The following ESR1 variants were observed in gnomAD, a reference collection of about 807,000 sequenced individuals.
ESR1 encodes the protein estrogen receptor.
Under a neutral mutation model 52.7 loss-of-function variants are expected in ESR1, and 12 were observed. The ratio of observed to expected loss-of-function variants is 0.23; its 90% CI spans 0.15 to 0.37. The LOEUF (loss-of-function observed/expected upper bound fraction) is 0.37. ESR1 is among the 10% of genes least tolerant of loss of function. The pLI is 1.00. For synonymous variants in ESR1, 305 were observed against 316.8 expected (o/e 0.96, Z 0.39); for missense variants, 584 against 779.7 (o/e 0.75, Z 2.99).
At chr6:152,123,239 A>T (rs561006372) in intron 6 of ESR1, among the ~76,000 whole-genome samples, 4 of 152,352 alleles carry the variant, frequency 2.6e-5, no homozygotes, top group African/African-American at 9.6e-5. Context: ...TTCATCTTGC[A>T]CTGAATCAGC....
intron 4 of ESR1, among the ~76,000 whole-genome samples, chr6:152,002,324 G>A (rs2042023336): frequency 6.6e-6 from 1 of 151,726 alleles, no homozygotes; most frequent in African/African-American, 2.4e-5. Context: ...CATGCGGTTT[G>A]GAGACTTGCT....
intron 2 of ESR1, among the ~76,000 whole-genome samples, chr6:151,858,025 T>G (rs1047313171): frequency 1.5e-4 from 23 of 152,224 alleles, no homozygotes; most frequent in Non-Finnish European, 2.6e-4. Flanking sequence ...TACTAACTTT[T>G]TTTTACTCTT....
intron 2 of ESR1, among the ~76,000 whole-genome samples, chr6:151,786,675 CT>C (rs11409681): frequency 0.065 from 9,531 of 145,836 alleles, 633 homozygotes; most frequent in African/African-American, 0.18. Context: ...ATTATTAAGA[CT>C]TTTTTTTTTT....
chr6:151,678,932 G>A (rs540385191), intron 1 of ESR1, among the ~76,000 whole-genome samples: 14 of 152,076 alleles, frequency 9.2e-5, no homozygotes, highest in Admixed American at 2.6e-4. Context: ...TGATCCACCC[G>A]CCTCGGCCTC....
intron 4 of ESR1, among the ~76,000 whole-genome samples, chr6:151,989,680 G>C (rs1288865546): frequency 6.6e-6 from 1 of 152,058 alleles, no homozygotes; most frequent in Non-Finnish European, 1.5e-5. Flanking sequence ...TTATGACATT[G>C]TTGTCCTCAG....
rs376614117 is a variant in ESR1 at position 151,954,262 on chromosome 6, A to C, written c.1096+9754A>C. 4.6e-5 allele frequency among the ~76,000 whole-genome samples: 7 copies of C among 152,318 alleles called. No homozygotes were observed. The East Asian group carries it at 7.7e-4, about 17-fold the overall frequency. On this transcript the variant is annotated intron_variant, in intron 4 of 7. Coordinates refer to ENST00000206249, the MANE Select transcript of ESR1 (RefSeq NM_000125.4). Reference sequence around the variant, plus strand: ...TTAGGAACATTCTCCCTTGTAAGTAAATTGCTTGACGTGTTAAAATCTAAG... The same window carrying C: ...TTAGGAACATTCTCCCTTGTAAGTACATTGCTTGACGTGTTAAAATCTAAG...
At chr6:151,819,723 A>T (rs766092710) in intron 1 of ESR1, among the ~76,000 whole-genome samples, 1 of 152,170 alleles carries the variant, frequency 6.6e-6, no homozygotes, top group Non-Finnish European at 1.5e-5. Flanking sequence ...TACTAATAGA[A>T]ATAAAGTGCG....
At chr6:152,089,601 C>T (rs569312815) in intron 6 of ESR1, among the ~76,000 whole-genome samples, 16 of 152,220 alleles carry the variant, frequency 1.1e-4, no homozygotes, top group African/African-American at 3.4e-4. Flanking sequence ...TTTTTTGAGA[C>T]GGAGTCTCAC....
intron 1 of ESR1, among the ~76,000 whole-genome samples, chr6:151,815,320 G>T (rs530933968): frequency 2.0e-5 from 3 of 152,316 alleles, no homozygotes; most frequent in Admixed American, 6.5e-5. Flanking sequence ...GGAAAAAATT[G>T]TAGGGCTTTT....
At chr6:151,688,029 C>T (rs1472672695), upstream of ESR1, among the ~76,000 whole-genome samples, 3 of 152,032 alleles carry the variant, frequency 2.0e-5, no homozygotes, top group Non-Finnish European at 4.4e-5. Context: ...AATTGTTCAA[C>T]CTAATTGTCT....
At chr6:152,073,470 A>G (rs1337245322) in intron 6 of ESR1, among the ~76,000 whole-genome samples, 1 of 152,162 alleles carries the variant, frequency 6.6e-6, no homozygotes, top group East Asian at 1.9e-4. Flanking sequence ...AAAAGTAACC[A>G]TTGTCAACAT....
intron 2 of ESR1, among the ~76,000 whole-genome samples, chr6:151,843,088 G>A (rs1016995228): frequency 5.3e-5 from 8 of 152,194 alleles, no homozygotes; most frequent in Non-Finnish European, 7.3e-5. Flanking sequence ...AAAAAGAAAT[G>A]TTGTCTGTGC....
chr6:151,834,855 G>A (rs1407229048), intron 1 of ESR1, among the ~76,000 whole-genome samples: 1 of 152,092 alleles, frequency 6.6e-6, no homozygotes, highest in Non-Finnish European at 1.5e-5. Flanking sequence ...GGAACTTGGG[G>A]AGCAAGGGAA....
chr6:151,830,214 A>G (rs1357975325), intron 1 of ESR1, among the ~76,000 whole-genome samples: 1 of 152,088 alleles, frequency 6.6e-6, no homozygotes, highest in Non-Finnish European at 1.5e-5. Flanking sequence ...TTCTGCCTTG[A>G]GGTGTCAGCT....
intron 5 of ESR1, among the ~76,000 whole-genome samples, chr6:152,031,494 G>T (rs969393713): frequency 3.3e-5 from 5 of 152,148 alleles, no homozygotes; most frequent in African/African-American, 1.2e-4. Flanking sequence ...ACTACCATCA[G>T]AGAATACTAT....
At chr6:151,708,727 C>A (rs906024714) in intron 2 of ESR1, among the ~76,000 whole-genome samples, 3 of 152,142 alleles carry the variant, frequency 2.0e-5, no homozygotes, top group Admixed American at 2.0e-4. Context: ...AATGGATATC[C>A]TTGACCTATT....
Position 151,808,015 on chromosome 6 carries a change from C to A in ESR1, c.103C>A (p.Leu35Met), listed in dbSNP as rs201899558. ...GAACCGTCCGCAGCTCAAGATCCCC[C>A]TGGAGCGGCCCCTGGGCGAGGTGTA... ...PLNRPQLKIP[L>M]ERPLGEVYLD... The change falls in exon 1 of 8, where the codon CTG becomes ATG. Residue 35 changes from leucine (L) to methionine (M), a missense_variant. Around this residue, in one of 6 missense-constraint regions of ESR1, gnomAD observed 251 missense variants for 246.1 expected, o/e 1.02. Coordinates refer to ENST00000206249, the MANE Select transcript of ESR1 (RefSeq NM_000125.4). 27 of 1,613,788 alleles carry A rather than the reference C, an allele frequency of 1.7e-5. No individual in the cohort carries two copies. The highest frequency in any genetic ancestry group is 2.2e-5 in the Non-Finnish European group (26 of 1,179,956).
intron 1 of ESR1, among the ~76,000 whole-genome samples, chr6:151,679,161 C>T (rs1371751338): frequency 6.6e-6 from 1 of 152,146 alleles, no homozygotes; most frequent in Non-Finnish European, 1.5e-5. Context: ...CTTTTTCTTA[C>T]CAAAGGTCCT....
In ESR1 at chr6:152,057,694, T is replaced by TACACACAC. The variant is rs10560254; in HGVS notation, c.1236-3270_1236-3263dup. On this transcript the variant is annotated intron_variant, in intron 5 of 7. Coordinates refer to ENST00000206249, the MANE Select transcript of ESR1 (RefSeq NM_000125.4). ...TTCCCTAAAGGAACATACACATGCA[T>TACACACAC]ACACACACACACACACACACACACA... Among the ~76,000 whole-genome samples the TACACACAC allele has an allele frequency of 4.9e-3, 720 of 145,826 alleles. 9 individuals carry two copies. The highest frequency in any genetic ancestry group is 0.015 in the African/African-American group (620 of 40,184).
Sources: allele counts gnomAD v4.1 joint callset (sites outside exome capture counted in the v4.1 genomes callset), GRCh38; gene constraint gnomAD v4.1.1; regional missense constraint gnomAD v4.1.1; transcripts MANE v1.5; gene names NCBI Gene and HGNC (gene_info 2026-07-23, HGNC 2026-07-21).